TJP1: variants seen among roughly 807,000 people sequenced by gnomAD.
TJP1 encodes tight junction protein ZO-1.
Under a neutral mutation model 194.2 loss-of-function variants are expected in TJP1, and 43 were observed. The ratio of observed to expected loss-of-function variants is 0.22; its 90% CI spans 0.17 to 0.29. TJP1 has a LOEUF of 0.29. Among genes scored for constraint, TJP1 ranks in the 10% least tolerant of loss-of-function variants. The pLI, the probability that TJP1 is intolerant of heterozygous loss-of-function variation, is 1.00. For missense variants in TJP1, 1,971 were observed against 2,185.7 expected, an observed-to-expected ratio of 0.90 and a Z score of 1.96; for synonymous variants, 801 against 779.0, an observed-to-expected ratio of 1.03 and a Z score of -0.47.
At chr15:29,706,023 C>T (rs934947566) in intron 25 of TJP1, among the ~76,000 whole-genome samples, 1 of 152,158 alleles carries the variant, frequency 6.6e-6, no homozygotes, top group Non-Finnish European at 1.5e-5. Flanking sequence ...CCTCCATCTC[C>T]CAGGTTCAAG....
chr15:29,797,997 T>C lies in TJP1; in HGVS notation c.84+2649A>G, dbSNP rs555450470. 8.3e-4 allele frequency among the ~76,000 whole-genome samples: 127 copies of C among 152,230 alleles called. 2 individuals are homozygous for C. Among genetic ancestry groups the C allele is most frequent in the African/African-American group, 2.8e-3 (118 of 41,552 alleles). On this transcript the variant is annotated intron_variant, in intron 2 of 27. Coordinates refer to ENST00000614355, the MANE Select transcript of TJP1 (RefSeq NM_001330239.4). ...CCGCTAGATACCCACTGAATGGCAA[T>C]TGGTCTTGCTCTGTTGCCCAGGATG... is the stretch of plus-strand genomic sequence containing the variant.
intron 2 of TJP1, among the ~76,000 whole-genome samples, chr15:29,828,805 C>T (rs2050749976): frequency 6.7e-6 from 1 of 149,876 alleles, no homozygotes; most frequent in Non-Finnish European, 1.5e-5. Context: ...TTGATCTCTG[C>T]TCACTGCAAC....
chr15:29,891,156 C>T lies in TJP1; in HGVS notation c.306+65076G>A, dbSNP rs376492509. ...TCTGAAACCCTCCCTGGGCTGCAGTCCCTTATGAATGGATGTGAGGTGGCC... is the reference window on the plus strand; with the variant it reads ...TCTGAAACCCTCCCTGGGCTGCAGTTCCTTATGAATGGATGTGAGGTGGCC... On this transcript the variant is annotated intron_variant, in intron 2 of 28. Coordinates refer to the TJP1 transcript ENST00000356107. Among the ~76,000 whole-genome samples, 59 of 151,672 alleles carry T rather than the reference C, an allele frequency of 3.9e-4. 1 individual carries two copies. The South Asian group carries it at 0.011, about 29-fold the overall frequency.
chr15:29,775,170 G>A (rs951035617), intron 2 of TJP1, among the ~76,000 whole-genome samples: 1 of 152,166 alleles, frequency 6.6e-6, no homozygotes, highest in African/African-American at 2.4e-5. Flanking sequence ...GAGATCAACT[G>A]TGGAGAGGTA....
chr15:29,757,894 C>G (rs2045749421), intron 8 of TJP1, among the ~76,000 whole-genome samples: 2 of 152,152 alleles, frequency 1.3e-5, no homozygotes, highest in African/African-American at 4.8e-5. Flanking sequence ...CCTCTGCCAC[C>G]CATGATACAG....
intron 1 of TJP1, among the ~76,000 whole-genome samples, chr15:29,820,957 G>A (rs1215656165): frequency 6.6e-6 from 1 of 152,180 alleles, no homozygotes; most frequent in African/African-American, 2.4e-5. Context: ...CCTGCTCCCA[G>A]ATGTTACGGG....
At chr15:29,795,005 T>C (rs1229417667) in intron 2 of TJP1, among the ~76,000 whole-genome samples, 1 of 151,966 alleles carries the variant, frequency 6.6e-6, no homozygotes, top group Non-Finnish European at 1.5e-5. Flanking sequence ...ATTACCAATA[T>C]AAATAATGAA....
At chr15:29,735,761 G>A (rs1465529438) in intron 11 of TJP1, among the ~76,000 whole-genome samples, 3 of 152,086 alleles carry the variant, frequency 2.0e-5, no homozygotes. Context: ...TGACAACAAT[G>A]TAAACATCAT....
At chr15:29,865,939 G>A (rs2052287564) in intron 2 of TJP1, among the ~76,000 whole-genome samples, 1 of 152,122 alleles carries the variant, frequency 6.6e-6, no homozygotes, top group African/African-American at 2.4e-5. Flanking sequence ...TAGGAGACAG[G>A]GAACACAAGC....
At chr15:29,784,739 T>C (rs1316273622) in intron 2 of TJP1, among the ~76,000 whole-genome samples, 4 of 152,132 alleles carry the variant, frequency 2.6e-5, no homozygotes, top group Non-Finnish European at 4.4e-5. Flanking sequence ...ACAATCAAAA[T>C]GACGAGATAC....
chr15:29,968,492 G>C (rs2056407946), intron 1 of TJP1: 16 of 903,668 alleles, frequency 1.8e-5, no homozygotes, highest in Non-Finnish European at 2.1e-5. Flanking sequence ...CTCGGCCCTG[G>C]GCTCGGCCTT....
chr15:29,798,247 A>G, intron 2 of TJP1, among the ~76,000 whole-genome samples: 1 of 148,672 alleles, frequency 6.7e-6, no homozygotes, highest in East Asian at 2.0e-4. Flanking sequence ...CTGGGATTAC[A>G]GGTGTGAGCC....
intron 23 of TJP1, 73 bp from the exon 24 acceptor site, chr15:29,711,073 A>C: frequency 1.5e-5 from 22 of 1,461,174 alleles, no homozygotes; most frequent in Non-Finnish European, 1.9e-5. Flanking sequence ...TCATTTCTCC[A>C]TGTATCTCTA....
intron 10 of TJP1, 57 bp from the exon 11 acceptor site, chr15:29,737,471 A>C (rs2044111557): frequency 1.3e-6 from 2 of 1,584,154 alleles, no homozygotes; most frequent in Non-Finnish European, 1.7e-6. Context: ...ACGTTATAGC[A>C]ATCACTACAG....
chr15:29,793,465 T>C (rs2048220807), intron 2 of TJP1, among the ~76,000 whole-genome samples: 1 of 151,938 alleles, frequency 6.6e-6, no homozygotes, highest in Non-Finnish European at 1.5e-5. Flanking sequence ...GACTGGGCAA[T>C]TTATATAAAA....
chr15:29,833,160 G>A (rs532257156), intron 2 of TJP1, among the ~76,000 whole-genome samples: 1 of 152,256 alleles, frequency 6.6e-6, no homozygotes, highest in South Asian at 2.1e-4. Context: ...AGAAGCCACA[G>A]AAGTACATGT....
upstream of TJP1, among the ~76,000 whole-genome samples, chr15:29,826,827 TG>T (rs549366719): frequency 4.3e-4 from 66 of 152,266 alleles, no homozygotes; most frequent in South Asian, 8.7e-3. Flanking sequence ...GGGTTTAATG[TG>T]GTTGCTGTCT....
At chr15:29,875,261 C>G (rs1477338376) in intron 2 of TJP1, among the ~76,000 whole-genome samples, 2 of 152,184 alleles carry the variant, frequency 1.3e-5, no homozygotes, top group African/African-American at 2.4e-5. Context: ...GCAGAATAGG[C>G]AGAAGATAAG....
intron 2 of TJP1, among the ~76,000 whole-genome samples, chr15:29,887,876 G>A (rs1314138035): frequency 6.6e-6 from 1 of 152,122 alleles, no homozygotes; most frequent in Non-Finnish European, 1.5e-5. Context: ...CAAGCTTTGG[G>A]GAAGGCAATT....
Sources: gnomAD v4.1 joint callset for allele counts (sites outside exome capture counted in the v4.1 genomes callset) on GRCh38, gnomAD v4.1.1 for gene constraint, MANE v1.5 for transcripts, NCBI Gene and HGNC (gene_info 2026-07-23, HGNC 2026-07-21) for gene names.